The following SCG5 variants were observed in gnomAD, a reference collection of about 807,000 sequenced individuals.
SCG5 encodes secretogranin V.
SCG5 carries 18 observed loss-of-function variants against 25.7 expected under a neutral mutation model. The observed-to-expected ratio is 0.70, with a 90% CI of 0.48 to 1.04. The LOEUF is 1.04. Among genes scored for constraint, SCG5 ranks in the 50% least tolerant of loss-of-function variants. The probability of loss-of-function intolerance (pLI) is 0.00; values close to 1 mark genes in which losing one functional copy is unlikely to be tolerated. For synonymous variants in SCG5, 101 were observed against 91.7 expected (o/e 1.10, Z -0.58); for missense variants, 206 against 259.8 (o/e 0.79, Z 1.42).
rs59308758 is a variant in SCG5 at position 32,670,812 on chromosome 15, TTGA to T, written c.227-8950_227-8948del. On this transcript the variant is annotated intron_variant, in intron 2 of 5. Transcript: ENST00000300175. Reference sequence around the variant, plus strand: ...AAGCATGACTTTATTTAGTTTTGAATTGATGAGGAGGCACTGATGTTAGTAAAA... The same window carrying T: ...AAGCATGACTTTATTTAGTTTTGAATTGAGGAGGCACTGATGTTAGTAAAA... 7.6e-3 allele frequency among the ~76,000 whole-genome samples: 1,163 copies of T among 152,318 alleles called. 14 individuals are homozygous for T. Among genetic ancestry groups the T allele is most frequent in the African/African-American group, 0.027 (1,114 of 41,560 alleles).
intron 5 of SCG5, among the ~76,000 whole-genome samples, chr15:32,694,361 A>G (rs574787339): frequency 6.6e-6 from 1 of 152,280 alleles, no homozygotes; most frequent in East Asian, 1.9e-4. Flanking sequence ...TTTTGTACTC[A>G]CCCAAATCCA....
chr15:32,680,524 G>T (rs2054602000), intron 3 of SCG5, among the ~76,000 whole-genome samples: 1 of 152,046 alleles, frequency 6.6e-6, no homozygotes, highest in South Asian at 2.1e-4. Flanking sequence ...TTAATGAAAG[G>T]GGAAACACTT....
At chr15:32,694,955 G>A (rs915619667) in intron 5 of SCG5, among the ~76,000 whole-genome samples, 2 of 152,166 alleles carry the variant, frequency 1.3e-5, no homozygotes, top group Non-Finnish European at 1.5e-5. Flanking sequence ...TTCATACATG[G>A]GGATTGAGCA....
intron 4 of SCG5, among the ~76,000 whole-genome samples, chr15:32,686,659 TG>T (rs1446325829): frequency 6.6e-6 from 1 of 151,740 alleles, no homozygotes; most frequent in Non-Finnish European, 1.5e-5. Flanking sequence ...CCACAAGAGG[TG>T]ATCGAAGCAT....
At chr15:32,668,552 G>A (rs1010469019) in intron 2 of SCG5, among the ~76,000 whole-genome samples, 10 of 152,212 alleles carry the variant, frequency 6.6e-5, no homozygotes, top group African/African-American at 1.4e-4. Flanking sequence ...GGTGGAAGGG[G>A]CTCTGAATGG....
intron 5 of SCG5, among the ~76,000 whole-genome samples, chr15:32,694,247 C>T (rs1488003954): frequency 6.6e-6 from 1 of 152,162 alleles, no homozygotes; most frequent in Non-Finnish European, 1.5e-5. Flanking sequence ...AATTTTTCCC[C>T]TCCCCTCCAA....
chr15:32,645,535 C>A (rs548967952), intron 2 of SCG5, among the ~76,000 whole-genome samples: 2 of 152,236 alleles, frequency 1.3e-5, no homozygotes, highest in East Asian at 1.9e-4. Flanking sequence ...ACACAAGCTG[C>A]CGCCGTGGAA....
chr15:32,657,147 A>C (rs1402415759), intron 2 of SCG5, among the ~76,000 whole-genome samples: 2 of 127,374 alleles, frequency 1.6e-5, no homozygotes, highest in Non-Finnish European at 3.3e-5. Flanking sequence ...AAAATGGTAC[A>C]CAGGTGCAAA....
intron 4 of SCG5, among the ~76,000 whole-genome samples, chr15:32,691,045 G>A (rs543069667): frequency 1.3e-5 from 2 of 151,962 alleles, no homozygotes; most frequent in South Asian, 4.2e-4. Flanking sequence ...AGAGCTCATT[G>A]AAGCCCACTA....
At chr15:32,657,477 C>T (rs1466045448) in intron 2 of SCG5, among the ~76,000 whole-genome samples, 1 of 151,772 alleles carries the variant, frequency 6.6e-6, no homozygotes, top group African/African-American at 2.4e-5. Flanking sequence ...TGCTCTGTTC[C>T]ATTCTTGCCC....
intron 3 of SCG5, among the ~76,000 whole-genome samples, chr15:32,680,227 G>A (rs1038966051): frequency 4.0e-5 from 5 of 126,080 alleles, no homozygotes; most frequent in Admixed American, 1.9e-4. Context: ...ACAAAGTCTC[G>A]CTGTGTCACC....
At chr15:32,658,675 A>G (rs1383663297) in intron 2 of SCG5, among the ~76,000 whole-genome samples, 1 of 152,180 alleles carries the variant, frequency 6.6e-6, no homozygotes, top group Non-Finnish European at 1.5e-5. Context: ...AATGTTCTGT[A>G]ACACTTCTCT....
chr15:32,658,612 G>A (rs1430637896), intron 2 of SCG5, among the ~76,000 whole-genome samples: 1 of 152,106 alleles, frequency 6.6e-6, no homozygotes, highest in East Asian at 1.9e-4. Context: ...TATTACTCAG[G>A]GCCCTAAGCT....
At chr15:32,656,924 G>T (rs1410327046) in intron 2 of SCG5, among the ~76,000 whole-genome samples, 2 of 151,606 alleles carry the variant, frequency 1.3e-5, no homozygotes, top group African/African-American at 4.8e-5. Flanking sequence ...GGGGGGACTT[G>T]GTTTGTACAG....
chr15:32,694,897 G>A (rs757018485), intron 5 of SCG5, among the ~76,000 whole-genome samples: 11 of 152,202 alleles, frequency 7.2e-5, no homozygotes, highest in Non-Finnish European at 1.6e-4. Context: ...CAAGAGTCAT[G>A]GCAGGTTATT....
intron 4 of SCG5, among the ~76,000 whole-genome samples, chr15:32,690,802 C>CT (rs201322158): frequency 0.018 from 2,755 of 150,060 alleles, 102 homozygotes; most frequent in African/African-American, 0.064. Flanking sequence ...CTGTGGTTGT[C>CT]TTTGTTTTTT....
intron 2 of SCG5, among the ~76,000 whole-genome samples, chr15:32,659,718 C>T (rs978766245): frequency 6.6e-6 from 1 of 152,172 alleles, no homozygotes; most frequent in African/African-American, 2.4e-5. Flanking sequence ...TCAACAAGCC[C>T]TGCACGGTTT....
rs138430188 is a variant in SCG5, at chr15:32,662,058, C to G, written c.227-17708C>G. ...ATTATTTTTAGTAGCTGCATTATAT[C>G]CTATTATATGTTTATGCCTCAATTT... is the stretch of plus-strand genomic sequence containing the variant. On this transcript the variant is annotated intron_variant, in intron 2 of 5. Transcript: ENST00000300175. 2.6e-5 allele frequency among the ~76,000 whole-genome samples: 4 copies of G among 152,196 alleles called. No individual in the cohort carries two copies. The East Asian group carries it at 7.7e-4, about 29-fold the overall frequency.
intron 4 of SCG5, among the ~76,000 whole-genome samples, chr15:32,690,923 C>CG (rs150244731): frequency 9.2e-6 from 1 of 108,930 alleles, no homozygotes; most frequent in African/African-American, 2.9e-5. Flanking sequence ...ACAAGTAAAG[C>CG]CCCCCCCCAC....
Sources: allele counts gnomAD v4.1 joint callset (sites outside exome capture counted in the v4.1 genomes callset), GRCh38; gene constraint gnomAD v4.1.1; transcripts MANE v1.5; gene names NCBI Gene and HGNC (gene_info 2026-07-23, HGNC 2026-07-21).